Variants in MACROD2 observed in about 807,000 individuals in gnomAD.
MACROD2 encodes the protein mono-ADP ribosylhydrolase 2.
In MACROD2, 36 loss-of-function variants were observed where a neutral mutation model predicts 70.4. The ratio of observed to expected loss-of-function variants is 0.51; its 90% CI spans 0.39 to 0.68. The LOEUF (loss-of-function observed/expected upper bound fraction) is 0.68. Among genes scored for constraint, MACROD2 ranks in the 30% least tolerant of loss-of-function variants. MACROD2 has a pLI of 0.00. For missense variants in MACROD2, 496 were observed against 538.4 expected, an observed-to-expected ratio of 0.92 and a Z score of 0.78; for synonymous variants, 172 against 178.8, an observed-to-expected ratio of 0.96 and a Z score of 0.30.
intron 5 of MACROD2, among the ~76,000 whole-genome samples, chr20:14,966,243 T>A (rs1243987558): frequency 6.6e-6 from 1 of 152,188 alleles, no homozygotes; most frequent in African/African-American, 2.4e-5. Flanking sequence ...TTTAGTTATG[T>A]CATATAGTAA....
At chr20:15,194,245 C>CAAA (rs71190180) in intron 5 of MACROD2, among the ~76,000 whole-genome samples, 2,369 of 49,666 alleles carry the variant, frequency 0.048, 552 homozygotes, top group East Asian at 0.074. Context: ...CACTCTGTCT[C>CAAA]AAAAAAAAAA....
chr20:14,432,942 T>A (rs1248948020), intron 3 of MACROD2, among the ~76,000 whole-genome samples: 1 of 152,142 alleles, frequency 6.6e-6, no homozygotes, highest in African/African-American at 2.4e-5. Context: ...CTGAAAATTT[T>A]ATGCATACAA....
chr20:14,832,779 T>C (rs1285525606), intron 5 of MACROD2, among the ~76,000 whole-genome samples: 1 of 152,128 alleles, frequency 6.6e-6, no homozygotes, highest in Non-Finnish European at 1.5e-5. Flanking sequence ...GTGCAAGCAG[T>C]TTACTTGACT....
chr20:14,263,013 G>C (rs2082113156), intron 3 of MACROD2, among the ~76,000 whole-genome samples: 1 of 152,170 alleles, frequency 6.6e-6, no homozygotes, highest in Admixed American at 6.5e-5. Context: ...GAAGAGGTCA[G>C]TAGAGAGGCA....
chr20:14,333,654 G>A (rs1266036025), intron 3 of MACROD2, among the ~76,000 whole-genome samples: 1 of 152,164 alleles, frequency 6.6e-6, no homozygotes, highest in Non-Finnish European at 1.5e-5. Flanking sequence ...CAACTTGGTT[G>A]ATGTGCTTTA....
At chr20:15,048,751 A>G (rs2075415634) in intron 5 of MACROD2, among the ~76,000 whole-genome samples, 1 of 152,174 alleles carries the variant, frequency 6.6e-6, no homozygotes, top group Non-Finnish European at 1.5e-5. Context: ...AGTCTAAAGC[A>G]TAAAGAAGGA....
At chr20:14,783,560 T>G (rs2072328075) in intron 5 of MACROD2, among the ~76,000 whole-genome samples, 1 of 152,140 alleles carries the variant, frequency 6.6e-6, no homozygotes, top group South Asian at 2.1e-4. Context: ...GTTCTGCCAT[T>G]CATCATGTTG....
intron 8 of MACROD2, among the ~76,000 whole-genome samples, chr20:15,681,943 G>T (rs2050165288): frequency 6.6e-6 from 1 of 152,182 alleles, no homozygotes; most frequent in Admixed American, 6.5e-5. Flanking sequence ...TTCCCAAGGT[G>T]ATAGATTGGT....
chr20:14,547,660 A>C (rs1234554947), intron 4 of MACROD2: 1 of 152,446 alleles, frequency 6.6e-6, no homozygotes, highest in African/African-American at 2.4e-5. Context: ...TGCTTGTTGA[A>C]TCAGTTATCT....
intron 8 of MACROD2, among the ~76,000 whole-genome samples, chr20:15,817,340 A>G (rs572407486): frequency 1.2e-4 from 19 of 152,350 alleles, no homozygotes; most frequent in South Asian, 1.0e-3. Context: ...CTGATACAGC[A>G]CTGTTGTTAG....
rs1396588368 is a variant in MACROD2 at position 15,506,159 on chromosome 20, C to T, written c.645+6312C>T. ...TGGTCTAGACCTCACCGTAAGATGC[C>T]GATAGCCAGAGACAAAATTAGCTTT... On this transcript the variant is annotated intron_variant, in intron 8 of 17. Transcript: ENST00000684519. 3.3e-5 allele frequency among the ~76,000 whole-genome samples: 5 copies of T among 152,118 alleles called. No individual in the cohort carries two copies. In the East Asian group the frequency reaches 5.8e-4, roughly 18 times the overall value.
intron 5 of MACROD2, among the ~76,000 whole-genome samples, chr20:14,746,135 A>C (rs1456530019): frequency 1.3e-5 from 2 of 152,250 alleles, no homozygotes; most frequent in African/African-American, 4.8e-5. Context: ...GAATGGAAAG[A>C]ATGACAATGT....
intron 5 of MACROD2, among the ~76,000 whole-genome samples, chr20:15,085,936 A>G (rs1460420216): frequency 1.3e-5 from 2 of 151,018 alleles, no homozygotes; most frequent in African/African-American, 4.9e-5. Context: ...AGTAATGTTT[A>G]GTTCACAGAA....
chr20:14,967,892 A>G (rs920974810), intron 5 of MACROD2, among the ~76,000 whole-genome samples: 3 of 152,162 alleles, frequency 2.0e-5, no homozygotes, highest in African/African-American at 7.2e-5. Context: ...TGTTACCAGG[A>G]TAAGGAAGAT....
intron 8 of MACROD2, among the ~76,000 whole-genome samples, chr20:15,625,704 T>C (rs2049191320): frequency 6.6e-6 from 1 of 152,070 alleles, no homozygotes; most frequent in East Asian, 1.9e-4. Flanking sequence ...ACAAAGACTT[T>C]AACAGCAAGG....
chr20:14,541,697 A>G (rs539009543), intron 4 of MACROD2, among the ~76,000 whole-genome samples: 1 of 152,218 alleles, frequency 6.6e-6, no homozygotes, highest in East Asian at 1.9e-4. Context: ...CGGTATTATC[A>G]GATTCATTTT....
chr20:15,916,547 G>A (rs1039494608), intron 10 of MACROD2, among the ~76,000 whole-genome samples: 4 of 152,196 alleles, frequency 2.6e-5, no homozygotes, highest in East Asian at 1.9e-4. Flanking sequence ...ATCCCAAACA[G>A]CATTCTCTTT....
At chr20:15,914,632 T>G (rs1310631425) in intron 10 of MACROD2, among the ~76,000 whole-genome samples, 1 of 152,186 alleles carries the variant, frequency 6.6e-6, no homozygotes, top group Non-Finnish European at 1.5e-5. Context: ...ACATCAAATA[T>G]GTGTTTTTTC....
chr20:15,747,444 G>C (rs992858681), intron 8 of MACROD2, among the ~76,000 whole-genome samples: 2 of 152,154 alleles, frequency 1.3e-5, no homozygotes, highest in African/African-American at 4.8e-5. Context: ...GCAGTATCGA[G>C]AGTCCTTAGT....
Sources: gnomAD v4.1 joint callset for allele counts (sites outside exome capture counted in the v4.1 genomes callset) on GRCh38, gnomAD v4.1.1 for gene constraint, MANE v1.5 for transcripts, NCBI Gene and HGNC (gene_info 2026-07-23, HGNC 2026-07-21) for gene names.